The following MAS1 variants were observed in gnomAD, a reference collection of about 807,000 sequenced individuals.
The protein encoded by MAS1 is proto-oncogene Mas.
For missense variants in MAS1, 387 were observed against 409.7 expected (o/e 0.94, Z 0.48); for synonymous variants, 163 against 164.2 (o/e 0.99, Z 0.05).
In MAS1 at chr6:159,891,030, T is replaced by C. The variant is rs548332629; in HGVS notation, c.-347T>C. On this transcript the variant is annotated 5_prime_UTR_variant, in exon 1 of 3. Transcript: ENST00000674077. The stretch of plus-strand genomic sequence containing the variant: ...GAGGCTGCAGCCATCCTTCGAGATG[T>C]TGGGACCGGAGACCCTGCAGGCTGG... 6.6e-5 allele frequency among the ~76,000 whole-genome samples: 10 copies of C among 152,322 alleles called. No homozygotes were observed. In the South Asian group the frequency reaches 1.5e-3, roughly 22 times the overall value.
Position 159,912,669 on chromosome 6 carries a change from G to A in MAS1, c.*4736G>A, listed in dbSNP as rs781598573. On this transcript the variant is annotated 3_prime_UTR_variant, in exon 3 of 3. Transcript: ENST00000674077. ...TCACTTATAAAATGGGTACCATCAG[G>A]CCTCCCCCTGCTTAGCACCAGAGTC... The A allele has an allele frequency of 1.3e-5, 2 of 152,134 alleles. No homozygotes were observed. Among genetic ancestry groups the A allele is most frequent in the South Asian group, 4.1e-4 (2 of 4,822 alleles). 9.4% of individuals were successfully genotyped at this position (152,134 alleles called of 1,614,324 possible). A position where few individuals can be genotyped will look rare whatever the true frequency, so the allele number is the denominator to read the frequency against.
At chr6:159,893,106 C>T (rs984637815) in intron 1 of MAS1, among the ~76,000 whole-genome samples, 3 of 152,330 alleles carry the variant, frequency 2.0e-5, no homozygotes, top group South Asian at 2.1e-4. Flanking sequence ...CATTCAGATG[C>T]GATACTGCCC....
Position 159,911,236 on chromosome 6 carries a change from A to G in MAS1, c.*3303A>G, listed in dbSNP as rs1046548321. The G allele has an allele frequency of 1.3e-5, 2 of 152,000 alleles. No individual in the cohort carries two copies. Among genetic ancestry groups the G allele is most frequent in the African/African-American group, 4.8e-5 (2 of 41,312 alleles). 9.4% of individuals were successfully genotyped at this position (152,000 alleles called of 1,614,324 possible). On this transcript the variant is annotated 3_prime_UTR_variant, in exon 3 of 3. Transcript: ENST00000674077. ...TGCTGGGCTCCAGTCCTGTGTGTCC[A>G]ATCATCTAATGGACTTTTTGACCCA...
At chr6:159,898,631 T>TTCCTCCTC (rs140468079) in intron 1 of MAS1, among the ~76,000 whole-genome samples, 11 of 99,080 alleles carry the variant, frequency 1.1e-4, no homozygotes, top group South Asian at 3.6e-4. Flanking sequence ...CTCCTCCCTC[T>TTCCTCCTC]TCTTCCTCCT....
At chr6:159,896,005 A>G (rs1782750379) in intron 1 of MAS1, among the ~76,000 whole-genome samples, 1 of 152,194 alleles carries the variant, frequency 6.6e-6, no homozygotes. Context: ...AGGCTAGGGG[A>G]TTATTAAAAA....
At chr6:159,901,903 C>G (rs1308905680) in intron 2 of MAS1, among the ~76,000 whole-genome samples, 1 of 151,634 alleles carries the variant, frequency 6.6e-6, no homozygotes, top group Admixed American at 6.6e-5. Flanking sequence ...AAACACCTTT[C>G]TCAGATGAAT....
At chr6:159,903,339 A>G (rs1782845983) in intron 2 of MAS1, among the ~76,000 whole-genome samples, 1 of 151,548 alleles carries the variant, frequency 6.6e-6, no homozygotes, top group African/African-American at 2.4e-5. Flanking sequence ...GGTTAAATCC[A>G]CCTCTCCTCT....
At chr6:159,899,568 A>G (rs746141346) in intron 2 of MAS1, among the ~76,000 whole-genome samples, 176 bp downstream of exon 2, 12 of 152,002 alleles carry the variant, frequency 7.9e-5, no homozygotes, top group Non-Finnish European at 1.6e-4. Context: ...TCTGTAAGAA[A>G]TAAACAACAA....
Position 159,909,577 on chromosome 6 carries a change from T to A in MAS1, c.*1644T>A, listed in dbSNP as rs1158710031. 1 of 152,172 alleles carries A rather than the reference T, an allele frequency of 6.6e-6. No individual in the cohort carries two copies. The highest frequency in any genetic ancestry group is 1.5e-5 in the Non-Finnish European group (1 of 68,038). The allele number at this position is 152,172 out of a possible 1,614,324, so 9.4% of individuals were successfully genotyped here. On this transcript the variant is annotated 3_prime_UTR_variant, in exon 3 of 3. Transcript: ENST00000674077. ...GGAGCCCAGATGGGGTGTGGAGCAATGACATTTAGAATGATCTTGTTTTTG... is the reference window on the plus strand; with the variant it reads ...GGAGCCCAGATGGGGTGTGGAGCAAAGACATTTAGAATGATCTTGTTTTTG...
intron 2 of MAS1, among the ~76,000 whole-genome samples, chr6:159,900,261 G>A (rs1782807563): frequency 6.6e-6 from 1 of 152,128 alleles, no homozygotes; most frequent in Non-Finnish European, 1.5e-5. Context: ...ATTATTCTGA[G>A]CTAGACTGTT....
chr6:159,891,847 G>A (rs976098885), intron 1 of MAS1, among the ~76,000 whole-genome samples: 1 of 152,164 alleles, frequency 6.6e-6, no homozygotes, highest in Non-Finnish European at 1.5e-5. Context: ...TAAAAAGGTG[G>A]TAAGAAGCTG....
chr6:159,897,242 T>A (rs1782765171), intron 1 of MAS1, among the ~76,000 whole-genome samples: 1 of 151,990 alleles, frequency 6.6e-6, no homozygotes, highest in Admixed American at 6.6e-5. Flanking sequence ...TGCTGATTGG[T>A]CAGGTTGGAG....
At position 159,907,097 on chromosome 6, in the gene MAS1, G is replaced by A; in HGVS notation, c.142G>A (p.Val48Ile). Residue 48 changes from valine to isoleucine, a missense_variant, in exon 3 of 3, where the codon GTT becomes ATT. Physicochemically the swap from Val to Ile is conservative, Grantham distance 29 (BLOSUM62 3). Transcript: ENST00000674077. ...TATGAGCATCTCCCCAGTGGGGTTT[G>A]TTGAGAATGGGATTCTCCTCTGGTT... ...VIMSISPVGF[V>I]ENGILLWFLC... is the part of the protein sequence containing the mutation. The A allele has an allele frequency of 6.2e-7, 1 of 1,614,198 alleles. No homozygotes were observed. Among genetic ancestry groups the A allele is most frequent in the Non-Finnish European group, 8.5e-7 (1 of 1,180,024 alleles).
At chr6:159,892,188 CA>C (rs1782707090) in intron 1 of MAS1, among the ~76,000 whole-genome samples, 1 of 152,062 alleles carries the variant, frequency 6.6e-6, no homozygotes, top group African/African-American at 2.4e-5. Context: ...CATTTAATAC[CA>C]GGACAGATGG....
chr6:159,890,795 C>A (rs1431059413), upstream of MAS1, among the ~76,000 whole-genome samples: 3 of 152,214 alleles, frequency 2.0e-5, no homozygotes, highest in Admixed American at 6.5e-5. Flanking sequence ...TTCTCTTTAG[C>A]CCTGGCTGGC....
In MAS1 at chr6:159,898,166, A is replaced by G. The variant is rs112826418; in HGVS notation, c.-243-1020A>G. Among the ~76,000 whole-genome samples, 31 of 152,218 alleles carry G rather than the reference A, an allele frequency of 2.0e-4. 1 individual carries two copies. The highest frequency in any genetic ancestry group is 7.0e-4 in the African/African-American group (29 of 41,510). On this transcript the variant is annotated intron_variant, in intron 1 of 2. Coordinates refer to ENST00000674077, the MANE Select transcript of MAS1 (RefSeq NM_002377.4). Reference sequence around the variant, plus strand: ...CTCAGTCTCCCAAAGTGCTGGGATTACAAGTGTGAGCCACTCCACCCAGCC... The same window carrying G: ...CTCAGTCTCCCAAAGTGCTGGGATTGCAAGTGTGAGCCACTCCACCCAGCC...
In MAS1 at chr6:159,914,224, T is replaced by C. The variant is rs181767939; in HGVS notation, c.*6291T>C. The C allele has an allele frequency of 3.9e-5, 6 of 152,362 alleles. No individual in the cohort carries two copies. The East Asian group carries it at 9.6e-4, about 24-fold the overall frequency. 9.4% of individuals were successfully genotyped at this position (152,362 alleles called of 1,614,324 possible). A position where few individuals can be genotyped will look rare whatever the true frequency, so the allele number is the denominator to read the frequency against. ...GTCAGACATTTCGGAGATCTTCAAT[T>C]CTTCTGGGTCCATTGCTACAGCTTT... On this transcript the variant is annotated 3_prime_UTR_variant, in exon 3 of 3. Transcript: ENST00000674077.
At chr6:159,896,469 T>C (rs1782755067) in intron 1 of MAS1, among the ~76,000 whole-genome samples, 1 of 152,140 alleles carries the variant, frequency 6.6e-6, no homozygotes, top group Admixed American at 6.6e-5. Context: ...AATCTCAATT[T>C]TAAAAACGAG....
intron 2 of MAS1, among the ~76,000 whole-genome samples, 184 bp downstream of exon 2, chr6:159,899,576 C>T (rs1354500605): frequency 6.6e-6 from 1 of 151,846 alleles, no homozygotes; most frequent in Non-Finnish European, 1.5e-5. Context: ...AAATAAACAA[C>T]AACGACAACA....
Sources: allele counts gnomAD v4.1 joint callset (sites outside exome capture counted in the v4.1 genomes callset), GRCh38; gene constraint gnomAD v4.1.1; transcripts MANE v1.5; gene names NCBI Gene and HGNC (gene_info 2026-07-23, HGNC 2026-07-21).